PIK3CG: variants seen among roughly 807,000 people sequenced by gnomAD.
PIK3CG encodes the protein phosphatidylinositol 4,5-bisphosphate 3-kinase catalytic subunit gamma isoform.
Under a neutral mutation model 102.3 loss-of-function variants are expected in PIK3CG, and 55 were observed. The ratio of observed to expected loss-of-function variants is 0.54; its 90% CI spans 0.43 to 0.67. The LOEUF is 0.67. Ranked by LOEUF, PIK3CG falls within the 30% of genes least tolerant of loss-of-function variation. The pLI is 0.00. For synonymous variants in PIK3CG, 552 were observed against 540.0 expected (o/e 1.02, Z -0.31); for missense variants, 1,258 against 1,391.8 (o/e 0.90, Z 1.53).
chr7:106,906,684 TTG>T lies in PIK3CG; in HGVS notation c.*1299_*1300del. ...ACCATTAAATTATTTATAAAATATT[TTG>T]TAATTACCTGTAGCTAATACATTAC... On this transcript the variant is annotated 3_prime_UTR_variant, in exon 11 of 11. Transcript: ENST00000496166. The T allele has an allele frequency of 4.4e-6, 1 of 228,068 alleles. No individual in the cohort carries two copies. The highest frequency in any genetic ancestry group is 5.7e-5 in the Admixed American group (1 of 17,618). 14.1% of individuals were successfully genotyped at this position (228,068 alleles called of 1,614,324 possible).
rs572335568 is a variant in PIK3CG, at chr7:106,892,593, T to C, written c.3030+6301T>C. On this transcript the variant is annotated intron_variant, in intron 10 of 10. Coordinates refer to ENST00000496166, the MANE Select transcript of PIK3CG (RefSeq NM_001282426.2). This position sits in a 1 kb window ranked among gnomAD's most constrained non-coding sequence, Gnocchi z 5.2. The stretch of plus-strand genomic sequence containing the variant: ...CCATCTTATATATGCAGATTATCTG[T>C]AGTGTATCAGACACTGCATTGGGCA... Among the ~76,000 whole-genome samples the C allele has an allele frequency of 6.6e-6, 1 of 152,336 alleles. No homozygotes were observed. The highest frequency in any genetic ancestry group is 2.1e-4 in the South Asian group (1 of 4,832).
At position 106,874,478 on chromosome 7, in the gene PIK3CG, T is replaced by C. The variant is rs893616628; in HGVS notation, c.2288-222T>C. On this transcript the variant is annotated intron_variant, in intron 4 of 10. Coordinates refer to ENST00000496166, the MANE Select transcript of PIK3CG (RefSeq NM_001282426.2). This position sits in a 1 kb window ranked among gnomAD's most constrained non-coding sequence, Gnocchi z 4.3. ...ATATTCACATATTTCTGTCCCCTGT[T>C]GTAGTATGTGTACATGGTTATGTTG... Among the ~76,000 whole-genome samples, 4 of 152,212 alleles carry C rather than the reference T, an allele frequency of 2.6e-5. No homozygotes were observed. Among genetic ancestry groups the C allele is most frequent in the Non-Finnish European group, 5.9e-5 (4 of 68,040 alleles).
In PIK3CG at chr7:106,874,823, C is replaced by CA; in HGVS notation, c.2391+20_2391+21insA. The stretch of plus-strand genomic sequence containing the variant: ...CTGGCAGTAGGTATCACTTGGATGT[C>CA]TCCATGTGGTCTTTATGTCTTGAAG... On this transcript the variant is annotated intron_variant, in intron 5 of 10. Coordinates refer to ENST00000496166, the MANE Select transcript of PIK3CG (RefSeq NM_001282426.2). The surrounding 1 kb of genome is among the most constrained non-coding windows in gnomAD (Gnocchi z 4.3). 3.4e-6 allele frequency: 5 copies of CA among 1,464,364 alleles called. No homozygotes were observed. Among genetic ancestry groups the CA allele is most frequent in the South Asian group, 2.3e-5 (2 of 87,466 alleles). 90.7% of individuals were successfully genotyped at this position (1,464,364 alleles called of 1,614,324 possible).
chr7:106,874,594 C>T lies in PIK3CG; in HGVS notation c.2288-106C>T. The T allele has an allele frequency of 1.2e-6, 1 of 807,818 alleles. No homozygotes were observed. Among genetic ancestry groups the T allele is most frequent in the South Asian group, 1.7e-5 (1 of 58,702 alleles). 50.0% of individuals were successfully genotyped at this position (807,818 alleles called of 1,614,324 possible). A position where few individuals can be genotyped will look rare whatever the true frequency, so the allele number is the denominator to read the frequency against. Reference sequence around the variant, plus strand: ...ACATTTCTCCTGCTCTACACCAGAACAAATATATAGAATGCTATGAATAAA... The same window carrying T: ...ACATTTCTCCTGCTCTACACCAGAATAAATATATAGAATGCTATGAATAAA... On this transcript the variant is annotated intron_variant, in intron 4 of 10. Transcript: ENST00000496166. This position sits in a 1 kb window ranked among gnomAD's most constrained non-coding sequence, Gnocchi z 4.3.
Position 106,868,845 on chromosome 7 carries a change from ACTGAAC to A in PIK3CG, c.1287_1292del (p.Asn430_Leu431del). ...TCAAAGACTTGCCCAAAGGGGCTCT[ACTGAAC>A]CTCCAGATCTACTGCGGTAAAGCTC... On this transcript the variant is annotated inframe_deletion, in exon 2 of 11. Transcript: ENST00000496166. This position sits in a 1 kb window ranked among gnomAD's most constrained non-coding sequence, Gnocchi z 6.2. The A allele has an allele frequency of 2.5e-6, 4 of 1,614,162 alleles. No individual in the cohort carries two copies. Among genetic ancestry groups the A allele is most frequent in the Non-Finnish European group, 3.4e-6 (4 of 1,180,016 alleles).
chr7:106,896,316 T>G (rs1387818939), intron 10 of PIK3CG, among the ~76,000 whole-genome samples: 1 of 152,174 alleles, frequency 6.6e-6, no homozygotes, highest in African/African-American at 2.4e-5. Context: ...AAAAAGAGTT[T>G]GACCACACAG....
rs3074767 is a variant in PIK3CG at position 106,902,247 on chromosome 7, CTT to C, written c.3031-2861_3031-2860del. 0.41 allele frequency among the ~76,000 whole-genome samples: 62,274 copies of C among 151,612 alleles called. 12,898 individuals are homozygous for C. Among genetic ancestry groups the C allele is most frequent in the East Asian group, 0.45 (2,323 of 5,126 alleles). On this transcript the variant is annotated intron_variant, in intron 10 of 10. Coordinates refer to ENST00000496166, the MANE Select transcript of PIK3CG (RefSeq NM_001282426.2). This position sits in a 1 kb window ranked among gnomAD's most constrained non-coding sequence, Gnocchi z 4.3. The stretch of plus-strand genomic sequence containing the variant: ...TGGGCCCAAGCCAGGGGTTTCCTGT[CTT>C]GTGTCAAGCAATGCGGGGGGTGTGT...
At chr7:106,881,704 G>C (rs1008704143) in intron 6 of PIK3CG, among the ~76,000 whole-genome samples, 1 of 152,010 alleles carries the variant, frequency 6.6e-6, no homozygotes, top group African/African-American at 2.4e-5. Flanking sequence ...AAAAAAATTA[G>C]CCGGGCATCA....
rs1395238630 is a variant in PIK3CG, at chr7:106,897,500, T to C, written c.3031-7609T>C. Among the ~76,000 whole-genome samples, 5 of 152,134 alleles carry C rather than the reference T, an allele frequency of 3.3e-5. No individual in the cohort carries two copies. Among genetic ancestry groups the C allele is most frequent in the Non-Finnish European group, 7.4e-5 (5 of 68,018 alleles). On this transcript the variant is annotated intron_variant, in intron 10 of 10. Coordinates refer to ENST00000496166, the MANE Select transcript of PIK3CG (RefSeq NM_001282426.2). This position sits in a 1 kb window ranked among gnomAD's most constrained non-coding sequence, Gnocchi z 4.6. Reference sequence around the variant, plus strand: ...CCCAGGCATTAAGCCCAGTACCCAATAGTTATCTTTTTTGCTCCTCTCCCT... The same window carrying C: ...CCCAGGCATTAAGCCCAGTACCCAACAGTTATCTTTTTTGCTCCTCTCCCT...
Position 106,906,997 on chromosome 7 carries a change from T to A in PIK3CG, c.*1610T>A. The A allele has an allele frequency of 4.6e-6, 1 of 215,432 alleles. No individual in the cohort carries two copies. The highest frequency in any genetic ancestry group is 9.4e-6 in the Non-Finnish European group (1 of 106,860). The allele number at this position is 215,432 out of a possible 1,614,324, so 13.3% of individuals were successfully genotyped here. A position where few individuals can be genotyped will look rare whatever the true frequency, so the allele number is the denominator to read the frequency against. ...TTAGCTGGGTATAGTGGTATGTGCCTGTAGTCCCAGGTACTCAGGAGGCTG... is the reference window on the plus strand; with the variant it reads ...TTAGCTGGGTATAGTGGTATGTGCCAGTAGTCCCAGGTACTCAGGAGGCTG... On this transcript the variant is annotated 3_prime_UTR_variant, in exon 11 of 11. Transcript: ENST00000496166.
At position 106,880,457 on chromosome 7, in the gene PIK3CG, GCTTTGC is replaced by G. The variant is rs1790899006; in HGVS notation, c.2538+793_2538+798del. Among the ~76,000 whole-genome samples, 1 of 107,286 alleles carries G rather than the reference GCTTTGC, an allele frequency of 9.3e-6. No individual in the cohort carries two copies. The highest frequency in any genetic ancestry group is 3.4e-5 in the African/African-American group (1 of 29,518). The allele number at this position is 107,286 out of a possible 152,430, so 70.4% of individuals were successfully genotyped here. A position where few individuals can be genotyped will look rare whatever the true frequency, so the allele number is the denominator to read the frequency against. On this transcript the variant is annotated intron_variant, in intron 6 of 10. Transcript: ENST00000496166. This position sits in a 1 kb window ranked among gnomAD's most constrained non-coding sequence, Gnocchi z 4.2. ...TTTGCTTTGCCTTTGCTTTGCCTTT[GCTTTGC>G]TTTCAAGAATGATCTATGTTTTGTC...
In PIK3CG at chr7:106,881,914, C is replaced by T. The variant is rs139848421; in HGVS notation, c.2539-203C>T. 2.2e-4 allele frequency among the ~76,000 whole-genome samples: 34 copies of T among 152,114 alleles called. No homozygotes were observed. The East Asian group carries it at 6.0e-3, about 27-fold the overall frequency. Reference sequence around the variant, plus strand: ...TTATCCTCTTCCCCAAGGTACATTTCGGAAAACAAAATTAACAAGCTCACA... The same window carrying T: ...TTATCCTCTTCCCCAAGGTACATTTTGGAAAACAAAATTAACAAGCTCACA... On this transcript the variant is annotated intron_variant, in intron 6 of 10. Coordinates refer to ENST00000496166, the MANE Select transcript of PIK3CG (RefSeq NM_001282426.2).
intron 10 of PIK3CG, among the ~76,000 whole-genome samples, chr7:106,887,615 A>AT (rs1327897020): frequency 4.6e-5 from 7 of 152,056 alleles, no homozygotes; most frequent in African/African-American, 1.7e-4. Flanking sequence ...TGGTCTTGTG[A>AT]TTTTTTAGTG....
In PIK3CG at chr7:106,867,650, C is replaced by A. The variant is rs61757719; in HGVS notation, c.89C>A (p.Ala30Asp). The part of the protein sequence containing the change: ...RRRMKPRSAA[A>D]SLSSMELIPI... Reference sequence around the variant, plus strand: ...AGGATGAAGCCGCGCAGTGCTGCGGCCAGCCTGTCCTCCATGGAGCTCATC... The same window carrying A: ...AGGATGAAGCCGCGCAGTGCTGCGGACAGCCTGTCCTCCATGGAGCTCATC... Residue 30 changes from alanine to aspartate, a missense_variant, in exon 2 of 11, where the codon GCC (alanine) becomes GAC (aspartate). This residue lies in a region of PIK3CG where 832 missense variants were observed against 787.5 expected (regional missense o/e 1.06). Transcript: ENST00000496166. The surrounding 1 kb of genome is among the most constrained non-coding windows in gnomAD (Gnocchi z 5.1). 1 of 1,613,338 alleles carries A rather than the reference C, an allele frequency of 6.2e-7. No individual in the cohort carries two copies. Among genetic ancestry groups the A allele is most frequent in the Non-Finnish European group, 8.5e-7 (1 of 1,179,982 alleles).
In PIK3CG at chr7:106,907,838, G is replaced by GTGTATA. The variant is rs776614128; in HGVS notation, c.*2452_*2453insGTATAT. Among the ~76,000 whole-genome samples the GTGTATA allele has an allele frequency of 1.5e-5, 2 of 135,306 alleles. No homozygotes were observed. The highest frequency in any genetic ancestry group is 2.6e-5 in the African/African-American group (1 of 38,440). 88.8% of individuals were successfully genotyped at this position (135,306 alleles called of 152,430 possible). A position where few individuals can be genotyped will look rare whatever the true frequency, so the allele number is the denominator to read the frequency against. ...TATATATATATATGTATGTGTGTGTGTATATATATATATATATATCACAGT... is the reference window on the plus strand; with the variant it reads ...TATATATATATATGTATGTGTGTGTGTGTATATATATATATATATATATATCACAGT... On this transcript the variant is annotated 3_prime_UTR_variant, in exon 11 of 11. Transcript: ENST00000496166.
intron 10 of PIK3CG, among the ~76,000 whole-genome samples, chr7:106,900,847 T>A (rs569890201): frequency 6.6e-6 from 1 of 152,180 alleles, no homozygotes; most frequent in Non-Finnish European, 1.5e-5. Flanking sequence ...AAATTCTTGG[T>A]TGAAGATTTT....
chr7:106,875,419 C>T (rs1790692546), intron 5 of PIK3CG, among the ~76,000 whole-genome samples: 1 of 151,272 alleles, frequency 6.6e-6, no homozygotes, highest in Admixed American at 6.6e-5. Flanking sequence ...ATTATATAAC[C>T]ACCGCCACAA....
At chr7:106,898,477 G>T (rs1164265248) in intron 10 of PIK3CG, among the ~76,000 whole-genome samples, 1 of 152,134 alleles carries the variant, frequency 6.6e-6, no homozygotes, top group Admixed American at 6.5e-5. Flanking sequence ...GCATGGTATT[G>T]CCTAGGTTGT....
In PIK3CG at chr7:106,897,414, GA is replaced by G. The variant is rs1791435647; in HGVS notation, c.3031-7692del. Among the ~76,000 whole-genome samples the G allele has an allele frequency of 1.3e-5, 2 of 152,172 alleles. No individual in the cohort carries two copies. Among genetic ancestry groups the G allele is most frequent in the Non-Finnish European group, 2.9e-5 (2 of 68,024 alleles). On this transcript the variant is annotated intron_variant, in intron 10 of 10. Coordinates refer to ENST00000496166, the MANE Select transcript of PIK3CG (RefSeq NM_001282426.2). The surrounding 1 kb of genome is among the most constrained non-coding windows in gnomAD (Gnocchi z 4.6). Reference sequence around the variant, plus strand: ...TTTATTTTTGGCTGGGGGTACATGTGAAAGTTTGTTACATAGGTAAACACAT... The same window carrying G: ...TTTATTTTTGGCTGGGGGTACATGTGAAGTTTGTTACATAGGTAAACACAT...
Sources: gnomAD v4.1 joint callset for allele counts (sites outside exome capture counted in the v4.1 genomes callset) on GRCh38, gnomAD v4.1.1 for gene constraint, gnomAD v4.1.1 regional missense constraint, Gnocchi (gnomAD v3.1) non-coding constraint, MANE v1.5 for transcripts, NCBI Gene and HGNC (gene_info 2026-07-23, HGNC 2026-07-21) for gene names.